Variants in ADGRV1 observed in about 807,000 individuals in gnomAD.
The protein encoded by ADGRV1 is G-protein coupled receptor 98.
ADGRV1 carries 359 observed loss-of-function variants against 596.2 expected under a neutral mutation model. That is an observed-to-expected ratio of 0.60 (90% confidence interval 0.55 to 0.66). ADGRV1 has a LOEUF of 0.66. Ranked by LOEUF, ADGRV1 falls within the 30% of genes least tolerant of loss-of-function variation. ADGRV1 has a pLI of 0.00. For synonymous variants in ADGRV1, 2,681 were observed against 2,679.2 expected, an observed-to-expected ratio of 1.00 and a Z score of -0.02; for missense variants, 7,274 against 7,575.6, an observed-to-expected ratio of 0.96 and a Z score of 1.48.
At position 91,101,805 on chromosome 5, in the gene ADGRV1, G is replaced by A. The variant is rs536112720; in HGVS notation, c.18311-414G>A. Among the ~76,000 whole-genome samples the A allele has an allele frequency of 4.5e-3, 673 of 149,552 alleles. 6 individuals carry two copies. Among genetic ancestry groups the A allele is most frequent in the African/African-American group, 0.016 (638 of 40,766 alleles). On this transcript the variant is annotated intron_variant, in intron 86 of 89. Transcript: ENST00000405460. ...CGTGCGCATGCACACACACACACAC[G>A]CACACACGCACGATGTTATATAATT...
rs199839743 is a variant in ADGRV1 at position 90,763,453 on chromosome 5, C to A, written c.12269C>A (p.Thr4090Asn). 5.5e-3 allele frequency: 8,882 copies of A among 1,612,340 alleles called. 31 individuals carry two copies. The highest frequency in any genetic ancestry group is 7.2e-3 in the Non-Finnish European group (8,436 of 1,178,618). The change falls in exon 59 of 90, where the codon ACC becomes AAC. Residue 4090 changes from threonine (T) to asparagine (N), a missense_variant. Thr to Asn is a moderately conservative substitution (Grantham distance 65). Around this residue, in one of 5 missense-constraint regions of ADGRV1, gnomAD observed 3,643 missense variants for 3,809.2 expected, o/e 0.96. Coordinates refer to ENST00000405460, the MANE Select transcript of ADGRV1 (RefSeq NM_032119.4). The part of the protein sequence containing the change: ...AKHNLSPLNG[T>N]LHFDETESQK... ...CATAACCTTAGTCCTTTGAATGGGA[C>A]CCTTCATTTTGATGAGGTATAGTCA... is the stretch of plus-strand genomic sequence containing the variant.
chr5:90,581,044 T>G (rs1427039904), intron 1 of ADGRV1, among the ~76,000 whole-genome samples: 1 of 152,228 alleles, frequency 6.6e-6, no homozygotes, highest in Non-Finnish European at 1.5e-5. Flanking sequence ...TTGATCGAAT[T>G]GGCTATTGAA....
At chr5:90,868,255 T>C (rs574618799) in intron 83 of ADGRV1, among the ~76,000 whole-genome samples, 13 of 152,286 alleles carry the variant, frequency 8.5e-5, no homozygotes, top group African/African-American at 2.6e-4. Context: ...CTATTTTTCT[T>C]AGTATGAAAT....
intron 67 of ADGRV1, among the ~76,000 whole-genome samples, chr5:90,785,800 G>A (rs1759372164): frequency 6.6e-6 from 1 of 152,204 alleles, no homozygotes; most frequent in Non-Finnish European, 1.5e-5. Flanking sequence ...TACACTGCTG[G>A]TAGGAGTGTA....
chr5:91,068,417 C>T (rs1156965559), intron 85 of ADGRV1, among the ~76,000 whole-genome samples: 7 of 151,302 alleles, frequency 4.6e-5, no homozygotes, highest in Admixed American at 6.6e-5. Flanking sequence ...TGCAGTGAGC[C>T]GAGATCGCAC....
At chr5:91,070,122 G>C (rs1402114558) in intron 85 of ADGRV1, among the ~76,000 whole-genome samples, 1 of 152,148 alleles carries the variant, frequency 6.6e-6, no homozygotes, top group Non-Finnish European at 1.5e-5. Context: ...AGGGATGGAG[G>C]GGGGCAAGGA....
At chr5:90,883,711 C>A (rs1378491616) in intron 83 of ADGRV1, among the ~76,000 whole-genome samples, 1 of 152,136 alleles carries the variant, frequency 6.6e-6, no homozygotes, top group African/African-American at 2.4e-5. Flanking sequence ...CCAAGGCCAT[C>A]ATTCTCACCC....
Position 90,745,571 on chromosome 5 carries a change from G to A in ADGRV1, c.10770-20G>A, listed in dbSNP as rs764540316. 1 of 1,549,724 alleles carries A rather than the reference G, an allele frequency of 6.5e-7. No homozygotes were observed. Among genetic ancestry groups the A allele is most frequent in the Non-Finnish European group, 8.8e-7 (1 of 1,130,740 alleles). ...AAATTTGTTGTAGTTGACTTATTTT[G>A]TATATGCTTCTTATGGTAGTTCAGG... On this transcript the variant is annotated intron_variant, in intron 51 of 89. Transcript: ENST00000405460.
chr5:91,060,398 ATTT>A (rs1554210690), intron 85 of ADGRV1, among the ~76,000 whole-genome samples: 1 of 60,478 alleles, frequency 1.7e-5, no homozygotes. Flanking sequence ...ATATATATAT[ATTT>A]TTTTTTTTAA....
At chr5:90,719,660 T>C (rs1386332545) in intron 43 of ADGRV1, among the ~76,000 whole-genome samples, 1 of 152,204 alleles carries the variant, frequency 6.6e-6, no homozygotes, top group Admixed American at 6.5e-5. Context: ...CGTTCGGATG[T>C]TTCTAATTTG....
chr5:90,667,655 G>C (rs1353000959), intron 21 of ADGRV1, among the ~76,000 whole-genome samples: 1 of 151,810 alleles, frequency 6.6e-6, no homozygotes, highest in Non-Finnish European at 1.5e-5. Context: ...TGCTGGTGAG[G>C]AACTGCGTTC....
chr5:90,901,023 A>G (rs1362508912), intron 83 of ADGRV1, among the ~76,000 whole-genome samples: 1 of 152,074 alleles, frequency 6.6e-6, no homozygotes, highest in Non-Finnish European at 1.5e-5. Context: ...TCTTCTCAAG[A>G]AGTCTCCCTC....
rs371138490 is a variant in ADGRV1, at chr5:90,675,286, C to T, written c.5154C>T (p.Asp1718=). ...CAGGGCTGCCTCCTCAGCCTAAGGA[C>T]GCAATGACCCTGCCTGCAAGCAGCG... ...FSTGLPPQPK[D]AMTLPASSVP... The change falls in exon 24 of 90, where the codon GAC becomes GAT. Residue 1718 remains aspartate (D), a synonymous_variant. Transcript: ENST00000405460. 5.1e-5 allele frequency: 82 copies of T among 1,613,754 alleles called. 1 individual carries two copies. The highest frequency in any genetic ancestry group is 4.4e-4 in the African/African-American group (33 of 75,036).
chr5:90,696,779 T>A lies in ADGRV1; in HGVS notation c.7946-158T>A, dbSNP rs74959646. Among the ~76,000 whole-genome samples the A allele has an allele frequency of 5.2e-3, 792 of 152,128 alleles. 6 individuals are homozygous for A. The highest frequency in any genetic ancestry group is 0.018 in the African/African-American group (749 of 41,550). On this transcript the variant is annotated intron_variant, in intron 33 of 89. Coordinates refer to ENST00000405460, the MANE Select transcript of ADGRV1 (RefSeq NM_032119.4). ...ATATGTGAAAAGATATATATATATATAATTAAAATTTGCTTATGTTGCCCA... is the reference window on the plus strand; with the variant it reads ...ATATGTGAAAAGATATATATATATAAAATTAAAATTTGCTTATGTTGCCCA...
intron 85 of ADGRV1, among the ~76,000 whole-genome samples, chr5:91,048,126 G>A (rs141844956): frequency 1.3e-5 from 2 of 152,276 alleles, no homozygotes; most frequent in African/African-American, 4.8e-5. Context: ...TGGAACATGG[G>A]GAGGAAGAAT....
intron 2 of ADGRV1, among the ~76,000 whole-genome samples, chr5:90,615,790 T>TTA (rs1166529765): frequency 6.6e-6 from 1 of 151,940 alleles, no homozygotes; most frequent in Non-Finnish European, 1.5e-5. Context: ...AGAGTACACA[T>TTA]TATATGAGAT....
Position 90,642,681 on chromosome 5 carries a change from T to G in ADGRV1, c.2286T>G (p.Arg762=). 1 of 1,613,620 alleles carries G rather than the reference T, an allele frequency of 6.2e-7. No individual in the cohort carries two copies. Among genetic ancestry groups the G allele is most frequent in the Non-Finnish European group, 8.5e-7 (1 of 1,179,604 alleles). ...NQVLKSGYTS[R]DLIILENDDP... ...TGCTGAAATCTGGATATACTAGCCG[T>G]GACCTAATTATTTTGGAAAATGATG... The change falls in exon 12 of 90, where the codon CGT becomes CGG. Residue 762 remains arginine (R), a synonymous_variant. Transcript: ENST00000405460.
chr5:90,832,721 T>C (rs1030706645), intron 77 of ADGRV1, among the ~76,000 whole-genome samples: 2 of 152,212 alleles, frequency 1.3e-5, no homozygotes, highest in African/African-American at 4.8e-5. Flanking sequence ...TTTCTTAGTT[T>C]GAGATCTTAA....
intron 11 of ADGRV1, among the ~76,000 whole-genome samples, chr5:90,640,241 A>C (rs1240517215): frequency 6.6e-6 from 1 of 152,114 alleles, no homozygotes; most frequent in Non-Finnish European, 1.5e-5. Flanking sequence ...GATTTGGAAA[A>C]GTGTTTTGGT....
Sources: gnomAD v4.1 joint callset for allele counts (sites outside exome capture counted in the v4.1 genomes callset) on GRCh38, gnomAD v4.1.1 for gene constraint, gnomAD v4.1.1 regional missense constraint, MANE v1.5 for transcripts, NCBI Gene and HGNC (gene_info 2026-07-23, HGNC 2026-07-21) for gene names.